HUWE1: variants seen among roughly 807,000 people sequenced by gnomAD.
HUWE1 encodes the protein E3 ubiquitin-protein ligase HUWE1.
In HUWE1, 18 loss-of-function variants were observed where a neutral mutation model predicts 299.4. That is an observed-to-expected ratio of 0.06 (90% CI 0.04 to 0.09). The LOEUF is 0.09. Among genes scored for constraint, HUWE1 ranks in the 10% least tolerant of loss-of-function variants. The pLI, the probability that HUWE1 is intolerant of heterozygous loss-of-function variation, is 1.00. For missense variants in HUWE1, 1,832 were observed against 3,462.3 expected, an observed-to-expected ratio of 0.53 and a Z score of 11.82; for synonymous variants, 1,317 against 1,286.1, an observed-to-expected ratio of 1.02 and a Z score of -0.51.
intron 3 of HUWE1, among the ~76,000 whole-genome samples, chrX:53,654,334 A>G (rs1557041918): frequency 8.9e-6 from 1 of 112,089 alleles, no homozygotes; most frequent in Non-Finnish European, 1.9e-5. Context: ...ACTGGCCCAC[A>G]TCCCTATGTT....
At chrX:53,611,166 CAAAT>C (rs782514998) in intron 23 of HUWE1, among the ~76,000 whole-genome samples, 39 of 84,459 alleles carry the variant, frequency 4.6e-4, no homozygotes, top group African/African-American at 1.8e-3. Flanking sequence ...ACACCATTTG[CAAAT>C]ACTAGCTGCT....
chrX:53,577,447 A>C (rs1602763460), intron 43 of HUWE1, among the ~76,000 whole-genome samples: 2 of 93,483 alleles, frequency 2.1e-5, no homozygotes, highest in African/African-American at 4.1e-5. Context: ...TCCCCTTCCC[A>C]ACGTTTTATT....
Position 53,577,520 on chromosome X carries a change from TCCCTCC to T in HUWE1, c.5717-459_5717-454del, listed in dbSNP as rs199562173. 1.6e-3 allele frequency among the ~76,000 whole-genome samples: 134 copies of T among 86,143 alleles called. 1 individual carries two copies. In the East Asian group the frequency reaches 0.04, roughly 26 times the overall value. The allele number at this position is 86,143 out of a possible 115,157, so 74.8% of individuals were successfully genotyped here. Reference sequence around the variant, plus strand: ...CCTCCTCTCCCTCTCCCTCTCCCTCTCCCTCCCTCTCCCCACGGTCTCCTTCCATGG... The same window carrying T: ...CCTCCTCTCCCTCTCCCTCTCCCTCTCTCTCCCCACGGTCTCCTTCCATGG... On this transcript the variant is annotated intron_variant, in intron 43 of 83. Coordinates refer to ENST00000262854, the MANE Select transcript of HUWE1 (RefSeq NM_031407.7).
rs969877165 is a variant in HUWE1, at chrX:53,564,428, A to T, written c.7029+146T>A. Reference sequence around the variant, plus strand: ...TAATACAGTACAAACACATTTACTGAGCATCTACTAAGCATATCACCCATG... The same window carrying T: ...TAATACAGTACAAACACATTTACTGTGCATCTACTAAGCATATCACCCATG... On this transcript the variant is annotated intron_variant, in intron 51 of 83. Coordinates refer to ENST00000262854, the MANE Select transcript of HUWE1 (RefSeq NM_031407.7). The T allele has an allele frequency of 9.4e-6, 6 of 638,557 alleles. No homozygotes were observed. The East Asian group carries it at 1.8e-4, about 19-fold the overall frequency. 52.6% of individuals were successfully genotyped at this position (638,557 alleles called of 1,213,427 possible).
intron 17 of HUWE1, 171 bp from the exon 18 acceptor site, chrX:53,625,429 G>T: frequency 2.6e-6 from 1 of 385,319 alleles, no homozygotes; most frequent in Admixed American, 4.8e-5. Context: ...CTTTGAAATT[G>T]GAAAAATTAC....
chrX:53,672,670 T>C (rs781835787), intron 3 of HUWE1, among the ~76,000 whole-genome samples: 11 of 111,990 alleles, frequency 9.8e-5, no homozygotes, highest in Admixed American at 2.8e-4. Flanking sequence ...AAATCTAATA[T>C]GGCAAATACT....
At chrX:53,625,479 A>G in intron 17 of HUWE1, 2 of 342,163 alleles carry the variant, frequency 5.8e-6, no homozygotes, top group Non-Finnish European at 1.0e-5. Flanking sequence ...GTCTAAAGTA[A>G]AAAAGAAAAA....
intron 3 of HUWE1, among the ~76,000 whole-genome samples, chrX:53,657,293 G>A (rs1206137844): frequency 8.9e-6 from 1 of 112,068 alleles, no homozygotes; most frequent in Non-Finnish European, 1.9e-5. Context: ...AACAAAAAAG[G>A]CCAGGCGCAG....
Position 53,543,112 on chromosome X carries a change from C to T in HUWE1, c.11380-573G>A, listed in dbSNP as rs191765884. Among the ~76,000 whole-genome samples the T allele has an allele frequency of 5.4e-4, 60 of 110,706 alleles. No homozygotes were observed. The East Asian group carries it at 0.012, about 22-fold the overall frequency. The stretch of plus-strand genomic sequence containing the variant: ...TTCCTGGAGTCACTGCCCCTAAGTT[C>T]AAGGCTTTTCCCTGCCTACTCAATA... On this transcript the variant is annotated intron_variant, in intron 73 of 83. Transcript: ENST00000262854.
rs1381705883 is a variant in HUWE1, at chrX:53,576,790, G to C, written c.5884+110C>G. Reference sequence around the variant, plus strand: ...GGTATCTTATTCATCTTGAGCCCCAGAGTATGGGCACATAGTGAGTGCTCA... The same window carrying C: ...GGTATCTTATTCATCTTGAGCCCCACAGTATGGGCACATAGTGAGTGCTCA... On this transcript the variant is annotated intron_variant, in intron 44 of 83. Transcript: ENST00000262854. The C allele has an allele frequency of 8.2e-6, 6 of 736,032 alleles. No homozygotes were observed. The East Asian group carries it at 1.9e-4, about 24-fold the overall frequency. The allele number at this position is 736,032 out of a possible 1,213,427, so 60.7% of individuals were successfully genotyped here.
intron 2 of HUWE1, among the ~76,000 whole-genome samples, chrX:53,684,427 C>T (rs914039265): frequency 3.6e-5 from 4 of 112,306 alleles, no homozygotes; most frequent in Admixed American, 1.9e-4. Context: ...GGTTTCCGAC[C>T]CACTGCGGAG....
intron 44 of HUWE1, 107 bp from the exon 45 acceptor site, chrX:53,575,895 T>C (rs2063079493): frequency 1.2e-6 from 1 of 835,880 alleles, no homozygotes; most frequent in East Asian, 3.3e-5. Context: ...CAAGTGGCTA[T>C]GACTGTTTAC....
chrX:53,678,025 T>G (rs1478862922), intron 3 of HUWE1, among the ~76,000 whole-genome samples: 2 of 112,112 alleles, frequency 1.8e-5, no homozygotes, highest in Non-Finnish European at 3.8e-5. Context: ...TTCATCTAGT[T>G]CAATCAGCAA....
chrX:53,612,297 A>G (rs896473908), intron 23 of HUWE1, among the ~76,000 whole-genome samples: 1 of 112,114 alleles, frequency 8.9e-6, no homozygotes, highest in Admixed American at 9.4e-5. Context: ...GGCAGTGATG[A>G]GCATCCAGAA....
At chrX:53,591,880 G>A (rs1424456212) in intron 33 of HUWE1, among the ~76,000 whole-genome samples, 1 of 112,103 alleles carries the variant, frequency 8.9e-6, no homozygotes, top group Non-Finnish European at 1.9e-5. Context: ...CATAAAAGCT[G>A]ACACACATAC....
chrX:53,564,706 T>C lies in HUWE1; in HGVS notation c.6897A>G (p.Ala2299=), dbSNP rs781862197. Reference sequence around the variant, plus strand: ...CATCATGATCCTCCTCCTGCACTTCTGCTTCCCCAGGCTCGCCTGAAACAA... The same window carrying C: ...CATCATGATCCTCCTCCTGCACTTCCGCTTCCCCAGGCTCGCCTGAAACAA... The part of the protein sequence containing the change: ...NQQDPGEPGE[A]EVQEEDHDVT... The change falls in exon 51 of 84, where the codon GCA becomes GCG. Residue 2299 remains alanine (A), a synonymous_variant. Coordinates refer to ENST00000262854, the MANE Select transcript of HUWE1 (RefSeq NM_031407.7). The C allele has an allele frequency of 2.4e-5, 29 of 1,212,105 alleles. No homozygotes were observed. The South Asian group carries it at 4.9e-4, about 21-fold the overall frequency.
intron 26 of HUWE1, among the ~76,000 whole-genome samples, chrX:53,603,844 C>A (rs961692791): frequency 3.6e-5 from 4 of 112,365 alleles, no homozygotes; most frequent in Non-Finnish European, 7.5e-5. Flanking sequence ...TATTTCCATT[C>A]AATTTCTTTA....
chrX:53,612,964 T>C (rs2065579716), intron 23 of HUWE1, among the ~76,000 whole-genome samples: 1 of 110,987 alleles, frequency 9.0e-6, no homozygotes, highest in Non-Finnish European at 1.9e-5. Flanking sequence ...CAGATGAATA[T>C]ATATGAGCTT....
chrX:53,609,710 A>G (rs781960025), intron 23 of HUWE1, among the ~76,000 whole-genome samples: 1 of 112,442 alleles, frequency 8.9e-6, no homozygotes, highest in Admixed American at 9.4e-5. Flanking sequence ...CAAATACTTT[A>G]GAAAATGGAG....
Sources: gnomAD v4.1 joint callset for allele counts (sites outside exome capture counted in the v4.1 genomes callset) on GRCh38, gnomAD v4.1.1 for gene constraint, MANE v1.5 for transcripts, NCBI Gene and HGNC (gene_info 2026-07-23, HGNC 2026-07-21) for gene names.